Variants in PELI2 observed in about 807,000 individuals in gnomAD.
PELI2 encodes the protein pellino E3 ubiquitin protein ligase family member 2.
A neutral mutation model predicts 42.3 loss-of-function variants in PELI2; 23 were observed. That is an observed-to-expected ratio of 0.54 (90% CI 0.39 to 0.77). The LOEUF is 0.77. Among genes scored for constraint, PELI2 ranks in the 30% least tolerant of loss-of-function variants. The pLI is 0.00. For synonymous variants in PELI2, 245 were observed against 212.2 expected, an observed-to-expected ratio of 1.15 and a Z score of -1.34; for missense variants, 463 against 553.2, an observed-to-expected ratio of 0.84 and a Z score of 1.64.
Position 56,298,822 on chromosome 14 carries a change from G to A in PELI2, c.*1656G>A, listed in dbSNP as rs555098073. The A allele has an allele frequency of 1.3e-5, 2 of 152,588 alleles. No individual in the cohort carries two copies. Among genetic ancestry groups the A allele is most frequent in the Admixed American group, 6.5e-5 (1 of 15,278 alleles). 9.5% of individuals were successfully genotyped at this position (152,588 alleles called of 1,614,324 possible). A position where few individuals can be genotyped will look rare whatever the true frequency, so the allele number is the denominator to read the frequency against. ...TTTTTCAGTGGAGATCATTGTTTAG[G>A]ATGAGACATTTTTGGTTTTGGTTTT... On this transcript the variant is annotated 3_prime_UTR_variant, in exon 6 of 6. Coordinates refer to ENST00000267460, the MANE Select transcript of PELI2 (RefSeq NM_021255.3).
intron 2 of PELI2, among the ~76,000 whole-genome samples, chr14:56,251,292 A>G (rs1255753543): frequency 6.6e-6 from 1 of 152,228 alleles, no homozygotes; most frequent in Non-Finnish European, 1.5e-5. Flanking sequence ...AGATGCAATT[A>G]TCCTCCTAGG....
intron 1 of PELI2, among the ~76,000 whole-genome samples, chr14:56,140,414 C>T (rs1403534870): frequency 6.6e-6 from 1 of 152,208 alleles, no homozygotes; most frequent in Non-Finnish European, 1.5e-5. Context: ...GTCAAAGCAA[C>T]AGTAGATACA....
At chr14:56,121,651 A>G (rs1157464548) in intron 1 of PELI2, among the ~76,000 whole-genome samples, 1 of 152,234 alleles carries the variant, frequency 6.6e-6, no homozygotes, top group African/African-American at 2.4e-5. Flanking sequence ...TATAGTGGGA[A>G]GAACATGCAT....
intron 2 of PELI2, among the ~76,000 whole-genome samples, chr14:56,256,471 C>A (rs753856093): frequency 1.3e-5 from 2 of 151,838 alleles, no homozygotes; most frequent in Admixed American, 1.3e-4. Flanking sequence ...AAAAAAAATA[C>A]CATTAACTTC....
At chr14:56,280,180 C>T (rs1484466629) in intron 3 of PELI2, among the ~76,000 whole-genome samples, 1 of 152,110 alleles carries the variant, frequency 6.6e-6, no homozygotes, top group Admixed American at 6.6e-5. Flanking sequence ...ACGAGGCCAA[C>T]ATCTTACTCG....
Position 56,279,729 on chromosome 14 carries a change from G to A in PELI2, c.261G>A (p.Gln87=). The A allele has an allele frequency of 6.2e-7, 1 of 1,605,170 alleles. No individual in the cohort carries two copies. Among genetic ancestry groups the A allele is most frequent in the Non-Finnish European group, 8.5e-7 (1 of 1,172,260 alleles). The change falls in exon 3 of 6, where the codon CAG becomes CAA. Residue 87 remains glutamine (Q), a synonymous_variant. Transcript: ENST00000267460. ...HSISYTLSRN[Q]TVVVEYTHDK... ...TATCCTACACTTTGTCAAGGAATCAGACTGTGGTGGTGGAGTACACACATG... is the reference window on the plus strand; with the variant it reads ...TATCCTACACTTTGTCAAGGAATCAAACTGTGGTGGTGGAGTACACACATG...
intron 2 of PELI2, among the ~76,000 whole-genome samples, chr14:56,216,811 C>G (rs959166909): frequency 6.6e-6 from 1 of 152,196 alleles, no homozygotes; most frequent in East Asian, 1.9e-4. Context: ...TTACTTACCC[C>G]GCAGACAGTT....
intron 1 of PELI2, among the ~76,000 whole-genome samples, chr14:56,120,897 G>T (rs1248329970): frequency 6.6e-6 from 1 of 152,180 alleles, no homozygotes; most frequent in African/African-American, 2.4e-5. Flanking sequence ...TACTTGAATT[G>T]TGGTATTTTT....
In PELI2 at chr14:56,232,675, A is replaced by G. The variant is rs996310495; in HGVS notation, c.208-47001A>G. 2.0e-5 allele frequency among the ~76,000 whole-genome samples: 3 copies of G among 151,080 alleles called. No homozygotes were observed. The South Asian group carries it at 6.4e-4, about 32-fold the overall frequency. On this transcript the variant is annotated intron_variant, in intron 2 of 5. Transcript: ENST00000267460. ...TCATACTGAATGGGCAAAAACTGGA[A>G]GCATTCCCTTTGAAAACTGGCACAA... is the stretch of plus-strand genomic sequence containing the variant.
At chr14:56,131,988 C>G (rs1194873361) in intron 1 of PELI2, among the ~76,000 whole-genome samples, 1 of 152,032 alleles carries the variant, frequency 6.6e-6, no homozygotes, top group East Asian at 1.9e-4. Flanking sequence ...GGGGATTTCC[C>G]CCTCACTGAA....
intron 1 of PELI2, among the ~76,000 whole-genome samples, chr14:56,166,865 G>C (rs748222981): frequency 3.3e-4 from 50 of 152,212 alleles, no homozygotes; most frequent in Non-Finnish European, 2.1e-4. Context: ...TCAGCGCACT[G>C]CAAGCTCCAT....
At chr14:56,264,778 A>G (rs1888838578) in intron 2 of PELI2, among the ~76,000 whole-genome samples, 1 of 152,198 alleles carries the variant, frequency 6.6e-6, no homozygotes, top group African/African-American at 2.4e-5. Flanking sequence ...CAATTATTTG[A>G]TCATTTGACA....
At chr14:56,130,751 A>G (rs1686710953) in intron 1 of PELI2, among the ~76,000 whole-genome samples, 1 of 152,136 alleles carries the variant, frequency 6.6e-6, no homozygotes, top group Admixed American at 6.5e-5. Context: ...ATGCATCAAT[A>G]TGATTTGGAT....
At chr14:56,289,404 T>G (rs952906239) in intron 4 of PELI2, among the ~76,000 whole-genome samples, 1 of 152,172 alleles carries the variant, frequency 6.6e-6, no homozygotes, top group Non-Finnish European at 1.5e-5. Context: ...CCCTGCCACA[T>G]GACAACTTCC....
At chr14:56,287,705 G>A (rs894252928) in intron 3 of PELI2, among the ~76,000 whole-genome samples, 1 of 152,184 alleles carries the variant, frequency 6.6e-6, no homozygotes, top group Non-Finnish European at 1.5e-5. Flanking sequence ...GTTTTAGAGA[G>A]ATAGTCTGTG....
intron 2 of PELI2, among the ~76,000 whole-genome samples, chr14:56,224,355 G>C (rs1326723857): frequency 6.6e-6 from 1 of 152,158 alleles, no homozygotes; most frequent in Non-Finnish European, 1.5e-5. Flanking sequence ...CCCACCTGGT[G>C]GTGACTATGA....
rs114683849 is a variant in PELI2 at position 56,197,772 on chromosome 14, A to T, written c.207+19308A>T. ...GTAAAAGCTTGCATAGAACGAAAAG[A>T]TTAACCCAATCCAAGCAAGAGGGAA... On this transcript the variant is annotated intron_variant, in intron 2 of 5. Coordinates refer to ENST00000267460, the MANE Select transcript of PELI2 (RefSeq NM_021255.3). This position sits in a 1 kb window ranked among gnomAD's most constrained non-coding sequence, Gnocchi z 4.9. 6.6e-6 allele frequency among the ~76,000 whole-genome samples: 1 copy of T among 152,144 alleles called. No homozygotes were observed. Among genetic ancestry groups the T allele is most frequent in the African/African-American group, 2.4e-5 (1 of 41,424 alleles).
At chr14:56,181,003 C>G (rs938437457) in intron 2 of PELI2, among the ~76,000 whole-genome samples, 1 of 152,132 alleles carries the variant, frequency 6.6e-6, no homozygotes, top group South Asian at 2.1e-4. Flanking sequence ...CGGTACCTAC[C>G]CCCGAGTCTC....
At chr14:56,167,232 CTG>C (rs1224469684) in intron 1 of PELI2, among the ~76,000 whole-genome samples, 3 of 152,190 alleles carry the variant, frequency 2.0e-5, no homozygotes, top group African/African-American at 7.2e-5. Flanking sequence ...GGGGAGTACT[CTG>C]TTATTATCCC....
Sources: allele counts gnomAD v4.1 joint callset (sites outside exome capture counted in the v4.1 genomes callset), GRCh38; gene constraint gnomAD v4.1.1; non-coding constraint Gnocchi (gnomAD v3.1); transcripts MANE v1.5; gene names NCBI Gene and HGNC (gene_info 2026-07-23, HGNC 2026-07-21).